The following USH2A variants were observed in gnomAD, a reference collection of about 807,000 sequenced individuals.
USH2A encodes Usher syndrome 2A (autosomal recessive, mild).
Under a neutral mutation model 538.9 loss-of-function variants are expected in USH2A, and 443 were observed. The observed-to-expected ratio is 0.82, with a 90% CI of 0.76 to 0.89. The LOEUF (loss-of-function observed/expected upper bound fraction) is 0.89. Ranked by LOEUF, USH2A falls within the 40% of genes least tolerant of loss-of-function variation. The pLI is 0.00. For synonymous variants in USH2A, 2,413 were observed against 2,273.5 expected, an observed-to-expected ratio of 1.06 and a Z score of -1.75; for missense variants, 6,633 against 6,324.8, an observed-to-expected ratio of 1.05 and a Z score of -1.65.
intron 30 of USH2A, among the ~76,000 whole-genome samples, chr1:216,058,056 T>A (rs573309216): frequency 1.3e-5 from 2 of 152,192 alleles, no homozygotes; most frequent in African/African-American, 4.8e-5. Flanking sequence ...CTTTAACCAT[T>A]ATTTCTTCCT....
rs564211789 is a variant in USH2A, at chr1:216,072,982, T to A, written c.5777-13A>T. 2.3e-5 allele frequency: 37 copies of A among 1,613,690 alleles called. 1 individual carries two copies. The South Asian group carries it at 4.0e-4, about 17-fold the overall frequency. ...CGATACAGGTATTCTTAAATGGAAA[T>A]AAGATGCAGCAAGATTAAAATAATA... On this transcript the variant is annotated splice_polypyrimidine_tract_variant and intron_variant, in intron 28 of 71. Coordinates refer to ENST00000307340, the MANE Select transcript of USH2A (RefSeq NM_206933.4).
intron 19 of USH2A, among the ~76,000 whole-genome samples, chr1:216,195,378 TGGAAAAAAAG>T (rs1336320170): frequency 2.0e-5 from 3 of 151,958 alleles, no homozygotes; most frequent in African/African-American, 7.3e-5. Flanking sequence ...TGAAAGAATG[TGGAAAAAAAG>T]CAGAATTTAG....
chr1:216,368,194 C>G (rs1481266400), intron 3 of USH2A, among the ~76,000 whole-genome samples: 1 of 132,510 alleles, frequency 7.5e-6, no homozygotes, highest in South Asian at 2.6e-4. Flanking sequence ...CCTTTGAGTA[C>G]AAGAGTACAC....
At chr1:216,111,442 CA>C (rs1391917530) in intron 21 of USH2A, among the ~76,000 whole-genome samples, 2 of 152,074 alleles carry the variant, frequency 1.3e-5, no homozygotes, top group African/African-American at 4.8e-5. Flanking sequence ...TGACAGACAA[CA>C]CATTCTTCAA....
chr1:215,792,041 T>C (rs979337036), intron 50 of USH2A, among the ~76,000 whole-genome samples: 1 of 152,192 alleles, frequency 6.6e-6, no homozygotes, highest in Non-Finnish European at 1.5e-5. Flanking sequence ...CTGAAGACAA[T>C]TCATGTTTCT....
chr1:216,058,853 T>C (rs1053203497), intron 30 of USH2A, among the ~76,000 whole-genome samples: 4 of 152,196 alleles, frequency 2.6e-5, no homozygotes, highest in African/African-American at 9.6e-5. Context: ...CCTTCATTCA[T>C]TCTTTTAAGA....
At chr1:216,370,342 C>T (rs1171404775) in intron 3 of USH2A, among the ~76,000 whole-genome samples, 2 of 151,492 alleles carry the variant, frequency 1.3e-5, no homozygotes, top group African/African-American at 2.4e-5. Flanking sequence ...GCCTGGGCGA[C>T]AGAGTGAGAC....
chr1:216,033,607 A>C lies in USH2A; in HGVS notation c.6325+12824T>G, dbSNP rs935994427. ...GTGTAATAGGGCAACAGCAGTTTGG[A>C]TTTTAAGACTGGATGTGCAGATCTC... On this transcript the variant is annotated intron_variant, in intron 32 of 71. Transcript: ENST00000307340. 2.0e-5 allele frequency among the ~76,000 whole-genome samples: 3 copies of C among 152,162 alleles called. No homozygotes were observed. The South Asian group carries it at 6.2e-4, about 32-fold the overall frequency.
intron 51 of USH2A, among the ~76,000 whole-genome samples, chr1:215,788,680 G>A (rs554980424): frequency 6.6e-6 from 1 of 152,118 alleles, no homozygotes. Flanking sequence ...AAAGAAACAT[G>A]GTTACCAACA....
intron 55 of USH2A, among the ~76,000 whole-genome samples, chr1:215,776,019 T>A (rs1661450794): frequency 6.6e-6 from 1 of 152,186 alleles, no homozygotes; most frequent in Admixed American, 6.5e-5. Flanking sequence ...GACTAATTCA[T>A]TTTTTTCTCA....
At chr1:215,970,868 T>C (rs1667479629) in intron 35 of USH2A, 92 bp from the exon 36 acceptor site, 7 of 1,283,508 alleles carry the variant, frequency 5.5e-6, no homozygotes, top group Non-Finnish European at 7.9e-6. Context: ...GATTTCTAGT[T>C]TCATGGAATC....
chr1:216,369,114 A>G (rs1558057463), intron 3 of USH2A, among the ~76,000 whole-genome samples: 1 of 152,198 alleles, frequency 6.6e-6, no homozygotes, highest in Non-Finnish European at 1.5e-5. Context: ...ATGGAGGAGA[A>G]AAGTCTTGGA....
chr1:215,722,986 C>A (rs887383470), intron 61 of USH2A, among the ~76,000 whole-genome samples: 6 of 152,138 alleles, frequency 3.9e-5, no homozygotes, highest in Non-Finnish European at 7.3e-5. Flanking sequence ...CAGGAGTGTT[C>A]CCTGTAAATA....
In USH2A at chr1:215,986,310, CT is replaced by C. The variant is rs34962559; in HGVS notation, c.6805+6709del. Among the ~76,000 whole-genome samples, 65 of 131,418 alleles carry C rather than the reference CT, an allele frequency of 4.9e-4. 1 individual carries two copies. The highest frequency in any genetic ancestry group is 8.1e-3 in the Middle Eastern group (2 of 246). The allele number at this position is 131,418 out of a possible 152,430, so 86.2% of individuals were successfully genotyped here. On this transcript the variant is annotated intron_variant, in intron 35 of 71. Transcript: ENST00000307340. ...AATTTTTTTTTTCTTTTTTCTTTTT[CT>C]TTTTTTTTTTTTTTTGGTAGAGACA...
intron 58 of USH2A, among the ~76,000 whole-genome samples, chr1:215,750,178 C>T (rs749770814): frequency 6.6e-5 from 10 of 152,150 alleles, no homozygotes; most frequent in Non-Finnish European, 1.3e-4. Flanking sequence ...TTTAACAAAT[C>T]GAGCTAAATT....
At chr1:215,839,518 T>G (rs1397249937) in intron 46 of USH2A, among the ~76,000 whole-genome samples, 12 of 152,220 alleles carry the variant, frequency 7.9e-5, no homozygotes, top group Admixed American at 7.2e-4. Context: ...AACATAACTT[T>G]AAGCTCTAAA....
chr1:215,814,270 G>A (rs1662794783), intron 48 of USH2A, among the ~76,000 whole-genome samples: 2 of 145,286 alleles, frequency 1.4e-5, no homozygotes, highest in South Asian at 4.3e-4. Flanking sequence ...ATACACATAT[G>A]TATATATACA....
intron 45 of USH2A, 77 bp downstream of exon 45, chr1:215,845,747 C>G: frequency 2.0e-6 from 3 of 1,495,210 alleles, no homozygotes; most frequent in Non-Finnish European, 2.8e-6. Flanking sequence ...GGAGGGATGA[C>G]TGATCTCAAC....
intron 61 of USH2A, among the ~76,000 whole-genome samples, chr1:215,692,725 G>A (rs1272528552): frequency 1.3e-5 from 2 of 151,942 alleles, no homozygotes; most frequent in African/African-American, 2.4e-5. Flanking sequence ...TGAGGAGCAG[G>A]GAAATTCTTT....
Sources: allele counts gnomAD v4.1 joint callset (sites outside exome capture counted in the v4.1 genomes callset), GRCh38; gene constraint gnomAD v4.1.1; transcripts MANE v1.5; gene names NCBI Gene and HGNC (gene_info 2026-07-23, HGNC 2026-07-21).